Variants in DAB1 observed in about 807,000 individuals in gnomAD.
DAB1 encodes the protein DAB adaptor protein 1.
Under a neutral mutation model 64.6 loss-of-function variants are expected in DAB1, and 15 were observed. That is an observed-to-expected ratio of 0.23 (90% CI 0.16 to 0.36). DAB1 has a LOEUF of 0.36. DAB1 is among the 10% of genes least tolerant of loss of function. The pLI is 1.00. For synonymous variants in DAB1, 235 were observed against 251.9 expected (o/e 0.93, Z 0.64); for missense variants, 596 against 706.7 (o/e 0.84, Z 1.78).
intron 3 of DAB1, among the ~76,000 whole-genome samples, chr1:58,372,351 C>T (rs972867287): frequency 3.3e-5 from 5 of 152,176 alleles, no homozygotes; most frequent in Admixed American, 3.3e-4. Flanking sequence ...TTGTTTTGGC[C>T]AATTTCTCCC....
In DAB1 at chr1:58,114,463, A is replaced by G. The variant is rs80119305; in HGVS notation, n.387+36048T>C. ...GATAGGTAGACATAACCAACCCTGC[A>G]TTCCAGTCTCATTGCCAGGACATCC... On this transcript the variant is annotated intron_variant and non_coding_transcript_variant, in intron 5 of 20. Coordinates refer to the DAB1 transcript ENST00000485760. 2.2e-3 allele frequency among the ~76,000 whole-genome samples: 332 copies of G among 152,334 alleles called. 12 individuals are homozygous for G. In the East Asian group the frequency reaches 0.054, roughly 25 times the overall value.
At chr1:57,119,902 A>G (rs956478680) in intron 4 of DAB1, among the ~76,000 whole-genome samples, 2 of 152,194 alleles carry the variant, frequency 1.3e-5, no homozygotes, top group African/African-American at 4.8e-5. Flanking sequence ...AAGAGATTGG[A>G]AAAAACAAAC....
At chr1:57,980,802 CA>C (rs1357814490) in intron 5 of DAB1, among the ~76,000 whole-genome samples, 1 of 151,958 alleles carries the variant, frequency 6.6e-6, no homozygotes, top group Non-Finnish European at 1.5e-5. Flanking sequence ...TAAAAGTCTG[CA>C]AAATAGTCAT....
intron 1 of DAB1, among the ~76,000 whole-genome samples, chr1:57,345,215 C>T (rs142187036): frequency 3.9e-4 from 59 of 152,284 alleles, no homozygotes; most frequent in African/African-American, 1.3e-3. Context: ...GGACCTGCCC[C>T]CTATCGTGGA....
chr1:58,191,431 T>C (rs947967448), intron 4 of DAB1, among the ~76,000 whole-genome samples: 7 of 151,950 alleles, frequency 4.6e-5, no homozygotes, highest in African/African-American at 1.2e-4. Context: ...AACAGAGTAG[T>C]GAAGGAAAGA....
chr1:58,418,609 C>T (rs1300876237), intron 3 of DAB1, among the ~76,000 whole-genome samples: 2 of 152,044 alleles, frequency 1.3e-5, no homozygotes, highest in Non-Finnish European at 2.9e-5. Flanking sequence ...AGCAAATAAC[C>T]ACCTACCAAT....
Position 57,026,013 on chromosome 1 carries a change from T to C in DAB1, c.754A>G (p.Met252Val). The change falls in exon 10 of 15, where the codon ATG (methionine) becomes GTG (valine). Residue 252 changes from methionine to valine, a missense_variant. This residue lies in a region of DAB1 where 377 missense variants were observed against 400.4 expected (regional missense o/e 0.94). Transcript: ENST00000371236. Reference protein sequence around the residue: ...AVTQLELFGDMSTPPDITSPP... With the variant: ...AVTQLELFGDVSTPPDITSPP... The stretch of plus-strand genomic sequence containing the variant: ...GAGGTTATATCAGGGGGTGTGGACA[T>C]GTCCCCAAAAAGTTCTAATTGGGTC... The C allele has an allele frequency of 6.3e-7, 1 of 1,594,334 alleles. No homozygotes were observed. Among genetic ancestry groups the C allele is most frequent in the Non-Finnish European group, 8.5e-7 (1 of 1,172,140 alleles).
chr1:58,422,822 G>A (rs983174589), intron 3 of DAB1, among the ~76,000 whole-genome samples: 16 of 151,034 alleles, frequency 1.1e-4, no homozygotes, highest in African/African-American at 3.9e-4. Flanking sequence ...CAAAAAAAAA[G>A]AAAAAAATCA....
At chr1:57,303,786 A>G (rs1217152637) in intron 1 of DAB1, among the ~76,000 whole-genome samples, 1 of 152,204 alleles carries the variant, frequency 6.6e-6, no homozygotes, top group Non-Finnish European at 1.5e-5. Flanking sequence ...TGGGAACAAC[A>G]TGATACCTAA....
chr1:57,731,699 G>A (rs955817712), intron 6 of DAB1, among the ~76,000 whole-genome samples: 2 of 152,000 alleles, frequency 1.3e-5, no homozygotes, highest in South Asian at 2.1e-4. Context: ...CAGTTACTCA[G>A]GAGGCTGAGG....
At chr1:58,079,427 A>C (rs1649850153) in intron 5 of DAB1, among the ~76,000 whole-genome samples, 2 of 151,800 alleles carry the variant, frequency 1.3e-5, no homozygotes, top group Admixed American at 1.3e-4. Context: ...GGGACAGGGA[A>C]GTTTGTTCAC....
intron 6 of DAB1, among the ~76,000 whole-genome samples, chr1:57,655,103 T>A (rs952776503): frequency 6.6e-5 from 10 of 152,292 alleles, no homozygotes; most frequent in Admixed American, 6.5e-4. Flanking sequence ...AGTTTTCTAT[T>A]CCTGTGCAAG....
chr1:57,887,374 T>G (rs1644239530), upstream of DAB1, among the ~76,000 whole-genome samples: 2 of 152,188 alleles, frequency 1.3e-5, no homozygotes, highest in Admixed American at 6.5e-5. Flanking sequence ...GTCTATTAAA[T>G]GAATAAATTG....
intron 5 of DAB1, among the ~76,000 whole-genome samples, chr1:58,066,585 A>T (rs1054531035): frequency 1.3e-5 from 2 of 152,200 alleles, no homozygotes; most frequent in African/African-American, 4.8e-5. Context: ...CAGATGAAGA[A>T]ACTGAGGCAC....
At chr1:57,881,952 C>A (rs932737911) in intron 1 of DAB1, among the ~76,000 whole-genome samples, 20 of 152,186 alleles carry the variant, frequency 1.3e-4, no homozygotes, top group Admixed American at 3.3e-4. Flanking sequence ...GGTTTTACAG[C>A]TCAATGTTTG....
chr1:58,344,393 GT>G (rs1643971394), intron 3 of DAB1, among the ~76,000 whole-genome samples: 2 of 152,150 alleles, frequency 1.3e-5, no homozygotes, highest in Non-Finnish European at 2.9e-5. Context: ...ATTTTGAACT[GT>G]GCCAGGGACA....
intron 5 of DAB1, among the ~76,000 whole-genome samples, chr1:58,004,091 A>T (rs1264855921): frequency 6.6e-6 from 1 of 152,202 alleles, no homozygotes; most frequent in Non-Finnish European, 1.5e-5. Context: ...AGAACCAAGG[A>T]GCTCAGAGAA....
At chr1:58,527,302 C>G (rs1449117017) in exon 2 of DAB1, 1 of 872,122 alleles carries the variant, frequency 1.1e-6, no homozygotes, top group African/African-American at 1.6e-5. Flanking sequence ...GCTTCGGCCT[C>G]CAATTTTCTG....
At chr1:57,350,817 G>A (rs1424467) in intron 1 of DAB1, among the ~76,000 whole-genome samples, 76,185 of 152,006 alleles carry the variant, frequency 0.5, 19,805 homozygotes, top group African/African-American at 0.55. Flanking sequence ...GAAAGACTAC[G>A]GTGAACTTTG....
Sources: allele counts gnomAD v4.1 joint callset (sites outside exome capture counted in the v4.1 genomes callset), GRCh38; gene constraint gnomAD v4.1.1; regional missense constraint gnomAD v4.1.1; transcripts MANE v1.5; gene names NCBI Gene and HGNC (gene_info 2026-07-23, HGNC 2026-07-21).